FOXN3: variants seen among roughly 807,000 people sequenced by gnomAD.
The protein encoded by FOXN3 is forkhead box N3.
FOXN3 carries 7 observed loss-of-function variants against 38.4 expected under a neutral mutation model. The observed-to-expected ratio is 0.18, with a 90% CI of 0.10 to 0.34. FOXN3 has a LOEUF of 0.34. Ranked by LOEUF, FOXN3 falls within the 10% of genes least tolerant of loss-of-function variation. The pLI is 1.00. For missense variants in FOXN3, 456 were observed against 613.4 expected (o/e 0.74, Z 2.71); for synonymous variants, 230 against 242.2 (o/e 0.95, Z 0.47).
At chr14:89,598,725 A>G (rs1896104564) in intron 1 of FOXN3, among the ~76,000 whole-genome samples, 1 of 152,228 alleles carries the variant, frequency 6.6e-6, no homozygotes, top group Non-Finnish European at 1.5e-5. Context: ...TTCCAGTTCA[A>G]AAGTCAGTTG....
At chr14:89,472,962 A>G (rs891733721) in intron 1 of FOXN3, among the ~76,000 whole-genome samples, 1 of 152,190 alleles carries the variant, frequency 6.6e-6, no homozygotes, top group Non-Finnish European at 1.5e-5. Flanking sequence ...GTCAGACAGT[A>G]AAACCTGCTC....
At chr14:89,525,992 ATAGT>A (rs1894425218) in intron 1 of FOXN3, among the ~76,000 whole-genome samples, 1 of 151,136 alleles carries the variant, frequency 6.6e-6, no homozygotes, top group Non-Finnish European at 1.5e-5. Flanking sequence ...AAAATGGACA[ATAGT>A]TAGAACTAAA....
intron 1 of FOXN3, among the ~76,000 whole-genome samples, chr14:89,551,227 A>G (rs1410542808): frequency 6.6e-6 from 1 of 152,200 alleles, no homozygotes; most frequent in Non-Finnish European, 1.5e-5. Flanking sequence ...GAGGTGGAGG[A>G]CAACATCCTT....
intron 1 of FOXN3, among the ~76,000 whole-genome samples, chr14:89,427,369 G>T (rs1440673592): frequency 7.6e-6 from 1 of 131,302 alleles, no homozygotes; most frequent in African/African-American, 2.9e-5. Flanking sequence ...GCAGTGGTGC[G>T]ATCTTGGCTC....
chr14:89,506,121 G>A (rs1893924620), intron 1 of FOXN3, among the ~76,000 whole-genome samples: 1 of 134,864 alleles, frequency 7.4e-6, no homozygotes, highest in African/African-American at 2.7e-5. Flanking sequence ...GAGGTGAGGG[G>A]CGCCTCTGCC....
chr14:89,331,945 AT>A (rs1381444774), intron 3 of FOXN3, among the ~76,000 whole-genome samples: 1 of 152,120 alleles, frequency 6.6e-6, no homozygotes, highest in Non-Finnish European at 1.5e-5. Context: ...GTGTGCTGTG[AT>A]TTTTTTAATG....
At chr14:89,438,768 T>TC (rs1222094577) in intron 1 of FOXN3, among the ~76,000 whole-genome samples, 1 of 151,160 alleles carries the variant, frequency 6.6e-6, no homozygotes, top group Non-Finnish European at 1.5e-5. Context: ...TTCTTTTCTT[T>TC]CTTTTTTTTT....
chr14:89,507,534 T>G (rs1893970659), intron 1 of FOXN3, among the ~76,000 whole-genome samples: 1 of 152,224 alleles, frequency 6.6e-6, no homozygotes, highest in Admixed American at 6.5e-5. Flanking sequence ...TGCCTTAACT[T>G]TATTGTAAGG....
chr14:89,254,139 C>A (rs80026448), intron 4 of FOXN3, among the ~76,000 whole-genome samples: 3,637 of 152,314 alleles, frequency 0.024, 45 homozygotes, highest in Middle Eastern at 0.031. Flanking sequence ...GTCTCCCCAT[C>A]TGTAAAGCAG....
chr14:89,180,989 G>A (rs1264257413), intron 4 of FOXN3, among the ~76,000 whole-genome samples, 183 bp from the exon 5 acceptor site: 1 of 149,276 alleles, frequency 6.7e-6, no homozygotes, highest in Non-Finnish European at 1.5e-5. Flanking sequence ...GACATGCACA[G>A]ACACACACTC....
chr14:89,258,645 G>C (rs138764574), intron 4 of FOXN3, among the ~76,000 whole-genome samples: 117 of 152,314 alleles, frequency 7.7e-4, no homozygotes, highest in African/African-American at 2.7e-3. Context: ...TTTTTCAGAA[G>C]ATAAATGTAA....
intron 2 of FOXN3, among the ~76,000 whole-genome samples, chr14:89,401,217 G>A (rs978176156): frequency 3.3e-5 from 5 of 150,982 alleles, no homozygotes; most frequent in Admixed American, 1.3e-4. Flanking sequence ...TGAGGCGGGC[G>A]GATCACCTGA....
At chr14:89,231,151 G>T (rs1222287101) in intron 4 of FOXN3, among the ~76,000 whole-genome samples, 3 of 151,956 alleles carry the variant, frequency 2.0e-5, no homozygotes, top group Non-Finnish European at 4.4e-5. Flanking sequence ...CATAAAAGAT[G>T]ATGTGTTTTT....
chr14:89,231,134 T>C (rs1884796078), intron 4 of FOXN3, among the ~76,000 whole-genome samples: 1 of 152,226 alleles, frequency 6.6e-6, no homozygotes. Flanking sequence ...GTTGTTGTTC[T>C]ACTGAACATA....
chr14:89,548,786 A>G lies in FOXN3; in HGVS notation c.-15+70242T>C, dbSNP rs1894938199. Reference sequence around the variant, plus strand: ...TCACAGCCAATACTGGTCAGTGACAAAGTTTTCAAAATGAGAAATATCAGA... The same window carrying G: ...TCACAGCCAATACTGGTCAGTGACAGAGTTTTCAAAATGAGAAATATCAGA... On this transcript the variant is annotated intron_variant, in intron 1 of 6. Coordinates refer to the FOXN3 transcript ENST00000345097. This position sits in a 1 kb window ranked among gnomAD's most constrained non-coding sequence, Gnocchi z 4.8. Among the ~76,000 whole-genome samples the G allele has an allele frequency of 6.6e-6, 1 of 152,178 alleles. No individual in the cohort carries two copies. The highest frequency in any genetic ancestry group is 1.5e-5 in the Non-Finnish European group (1 of 68,038).
chr14:89,303,223 G>GT (rs1887273405), intron 3 of FOXN3, among the ~76,000 whole-genome samples: 1 of 152,136 alleles, frequency 6.6e-6, no homozygotes, highest in African/African-American at 2.4e-5. Flanking sequence ...TTGCTACTCA[G>GT]TTGCCCCTGC....
intron 3 of FOXN3, among the ~76,000 whole-genome samples, chr14:89,340,803 A>C (rs573217891): frequency 1.3e-5 from 2 of 152,222 alleles, no homozygotes; most frequent in East Asian, 3.9e-4. Context: ...AGGAAATGCA[A>C]AGAAGTGTCA....
intron 2 of FOXN3, among the ~76,000 whole-genome samples, chr14:89,403,809 G>A (rs928696317): frequency 6.6e-5 from 10 of 152,218 alleles, no homozygotes; most frequent in African/African-American, 2.4e-4. Flanking sequence ...GCCTCAGACA[G>A]ACCCCTATCC....
At chr14:89,433,210 A>G (rs551040452) in intron 1 of FOXN3, among the ~76,000 whole-genome samples, 17 of 152,196 alleles carry the variant, frequency 1.1e-4, no homozygotes, top group African/African-American at 3.4e-4. Context: ...ATTGCTGGGC[A>G]CGGTGGCTCA....
Sources: gnomAD v4.1 joint callset for allele counts (sites outside exome capture counted in the v4.1 genomes callset) on GRCh38, gnomAD v4.1.1 for gene constraint, Gnocchi (gnomAD v3.1) non-coding constraint, MANE v1.5 for transcripts, NCBI Gene and HGNC (gene_info 2026-07-23, HGNC 2026-07-21) for gene names.